Variants in RPS6KC1 observed in about 807,000 individuals in gnomAD.
RPS6KC1 encodes ribosomal protein S6 kinase C1.
In RPS6KC1, 54 loss-of-function variants were observed where a neutral mutation model predicts 103.8. The observed-to-expected ratio is 0.52, with a 90% CI of 0.42 to 0.65. RPS6KC1 has a LOEUF of 0.65. Ranked by LOEUF, RPS6KC1 falls within the 30% of genes least tolerant of loss-of-function variation. RPS6KC1 has a pLI of 0.00. For synonymous variants in RPS6KC1, 439 were observed against 438.7 expected, an observed-to-expected ratio of 1.00 and a Z score of -0.01; for missense variants, 1,151 against 1,253.8, an observed-to-expected ratio of 0.92 and a Z score of 1.24.
At chr1:213,751,198 C>T in the RPS6KC1 span, among the ~76,000 whole-genome samples, 1 of 152,074 alleles carries the variant, frequency 6.6e-6, no homozygotes, top group Non-Finnish European at 1.5e-5. Context: ...TGAGTTATCA[C>T]CAGAGTCACT....
At chr1:213,260,756 C>CAAA (rs35685015) in intron 12 of RPS6KC1, among the ~76,000 whole-genome samples, 19 of 121,680 alleles carry the variant, frequency 1.6e-4, no homozygotes, top group African/African-American at 5.5e-4. Flanking sequence ...CTAAAAGCCT[C>CAAA]AAAAAAAAAA....
intron 8 of RPS6KC1, among the ~76,000 whole-genome samples, chr1:213,224,671 GC>G (rs984251945): frequency 2.0e-5 from 3 of 152,124 alleles, no homozygotes; most frequent in African/African-American, 7.2e-5. Flanking sequence ...ATAAAGGTGA[GC>G]AAACCCATGA....
the RPS6KC1 span, among the ~76,000 whole-genome samples, chr1:213,685,185 C>T: frequency 6.6e-6 from 1 of 152,182 alleles, no homozygotes; most frequent in Admixed American, 6.5e-5. Context: ...ACAAGAACTG[C>T]GCTAATTCTC....
At chr1:213,795,976 G>A in the RPS6KC1 span, among the ~76,000 whole-genome samples, 1 of 152,158 alleles carries the variant, frequency 6.6e-6, no homozygotes, top group East Asian at 1.9e-4. Context: ...AGTGACTTTG[G>A]TCTCTGGGTT....
chr1:213,699,454 T>G, the RPS6KC1 span, among the ~76,000 whole-genome samples: 1 of 152,176 alleles, frequency 6.6e-6, no homozygotes, highest in Admixed American at 6.5e-5. Context: ...TATCCATTCA[T>G]CTGCTGATGG....
At chr1:213,344,479 A>G in the RPS6KC1 span, among the ~76,000 whole-genome samples, 1 of 152,198 alleles carries the variant, frequency 6.6e-6, no homozygotes, top group Non-Finnish European at 1.5e-5. Context: ...TTCTATGTAC[A>G]ACTTTTTCTC....
the RPS6KC1 span, among the ~76,000 whole-genome samples, chr1:213,761,168 T>C: frequency 7.9e-5 from 12 of 152,142 alleles, no homozygotes; most frequent in African/African-American, 2.4e-4. Flanking sequence ...TGGCATCCCG[T>C]TTGTCTGTCC....
intron 8 of RPS6KC1, among the ~76,000 whole-genome samples, chr1:213,178,059 C>T (rs2091995720): frequency 6.6e-6 from 1 of 151,466 alleles, no homozygotes; most frequent in Non-Finnish European, 1.5e-5. Context: ...AAAAGCTGGG[C>T]ATGTAGTCCC....
the RPS6KC1 span, among the ~76,000 whole-genome samples, chr1:213,450,168 C>G: frequency 6.6e-6 from 1 of 152,244 alleles, no homozygotes; most frequent in Non-Finnish European, 1.5e-5. Context: ...TAGGACAGCA[C>G]CTGGTATGTA....
the RPS6KC1 span, among the ~76,000 whole-genome samples, chr1:213,741,591 C>T: frequency 2.8e-4 from 42 of 152,154 alleles, no homozygotes; most frequent in Non-Finnish European, 4.1e-4. Flanking sequence ...CGTCTTTTTA[C>T]GAGTTGCCAC....
chr1:213,086,888 T>G (rs1377769561), intron 3 of RPS6KC1, among the ~76,000 whole-genome samples: 3 of 152,214 alleles, frequency 2.0e-5, no homozygotes, highest in Non-Finnish European at 4.4e-5. Context: ...TATAATACCT[T>G]TAGTGAAACA....
the RPS6KC1 span, among the ~76,000 whole-genome samples, chr1:213,450,734 G>A: frequency 1.3e-5 from 2 of 152,154 alleles, no homozygotes; most frequent in Non-Finnish European, 2.9e-5. Context: ...CCAGCACTTT[G>A]GGAGGCCGAG....
intron 8 of RPS6KC1, among the ~76,000 whole-genome samples, chr1:213,197,266 G>A (rs892679415): frequency 6.6e-6 from 1 of 152,104 alleles, no homozygotes; most frequent in African/African-American, 2.4e-5. Flanking sequence ...GGCTATGTGA[G>A]CTCTTTTTTG....
At chr1:213,117,212 C>A (rs920961945) in intron 4 of RPS6KC1, 105 bp from the exon 5 acceptor site, 111 of 631,614 alleles carry the variant, frequency 1.8e-4, no homozygotes, top group Non-Finnish European at 2.7e-4. Flanking sequence ...TTAGTATAGT[C>A]GTTTCTGTAC....
chr1:213,508,994 G>A, the RPS6KC1 span, among the ~76,000 whole-genome samples: 2 of 152,154 alleles, frequency 1.3e-5, no homozygotes, highest in African/African-American at 4.8e-5. Context: ...CATCCTTGGA[G>A]GTGATGTCAT....
intron 8 of RPS6KC1, among the ~76,000 whole-genome samples, chr1:213,203,035 T>G (rs1283137520): frequency 1.3e-5 from 2 of 152,094 alleles, no homozygotes; most frequent in Non-Finnish European, 2.9e-5. Flanking sequence ...AGTTGGAGAT[T>G]ATGGGTCAAA....
At chr1:213,425,187 T>C in the RPS6KC1 span, among the ~76,000 whole-genome samples, 1 of 152,142 alleles carries the variant, frequency 6.6e-6, no homozygotes, top group Non-Finnish European at 1.5e-5. Flanking sequence ...AACAAATGGT[T>C]GACAAATAAC....
At chr1:213,375,247 A>C in the RPS6KC1 span, among the ~76,000 whole-genome samples, 7,496 of 151,960 alleles carry the variant, frequency 0.049, 454 homozygotes, top group East Asian at 0.18. Flanking sequence ...ATACACACAT[A>C]TATACACACA....
At chr1:213,741,001 C>A in the RPS6KC1 span, among the ~76,000 whole-genome samples, 20 of 146,800 alleles carry the variant, frequency 1.4e-4, no homozygotes, top group African/African-American at 5.0e-4. Flanking sequence ...ATATATATAT[C>A]TCAGATATAT....
Sources: allele counts gnomAD v4.1 joint callset (sites outside exome capture counted in the v4.1 genomes callset), GRCh38; gene constraint gnomAD v4.1.1; transcripts MANE v1.5; gene names NCBI Gene and HGNC (gene_info 2026-07-23, HGNC 2026-07-21).